Variants in UST observed in about 807,000 individuals in gnomAD.
UST encodes the protein chondroitin sulfate 2-O-sulfotransferase.
A neutral mutation model predicts 45.6 loss-of-function variants in UST; 21 were observed. The ratio of observed to expected loss-of-function variants is 0.46; its 90% CI spans 0.33 to 0.66. The LOEUF (loss-of-function observed/expected upper bound fraction) is 0.66. Ranked by LOEUF, UST falls within the 30% of genes least tolerant of loss-of-function variation. The probability of loss-of-function intolerance (pLI) is 0.02; values close to 1 mark genes in which losing one functional copy is unlikely to be tolerated. For synonymous variants in UST, 215 were observed against 200.6 expected, an observed-to-expected ratio of 1.07 and a Z score of -0.61; for missense variants, 463 against 512.4, an observed-to-expected ratio of 0.90 and a Z score of 0.93.
intron 1 of UST, among the ~76,000 whole-genome samples, chr6:148,761,333 G>T (rs1473413439): frequency 6.6e-6 from 1 of 152,182 alleles, no homozygotes; most frequent in Non-Finnish European, 1.5e-5. Context: ...ACACTGCCAA[G>T]TTCCTAAGAA....
At chr6:148,793,377 G>T (rs1479114935) in intron 1 of UST, among the ~76,000 whole-genome samples, 1 of 152,166 alleles carries the variant, frequency 6.6e-6, no homozygotes, top group African/African-American at 2.4e-5. Flanking sequence ...CACAAAGTGA[G>T]TTCACCTATA....
At chr6:148,979,332 A>G (rs1289526222) in intron 5 of UST, among the ~76,000 whole-genome samples, 3 of 152,234 alleles carry the variant, frequency 2.0e-5, no homozygotes, top group Non-Finnish European at 4.4e-5. Flanking sequence ...GGAAAGATGA[A>G]AAACAACTGG....
chr6:148,834,321 T>C (rs1483096162), intron 1 of UST, among the ~76,000 whole-genome samples: 4 of 152,216 alleles, frequency 2.6e-5, no homozygotes, highest in East Asian at 3.8e-4. Context: ...TAGATACCAG[T>C]AGGTAACCAT....
At position 149,074,427 on chromosome 6, in the gene UST, C is replaced by A; in HGVS notation, c.*311C>A. On this transcript the variant is annotated 3_prime_UTR_variant, in exon 8 of 8. Transcript: ENST00000367463. ...AAGGGGGAGAAATATAGCCCCTAGC[C>A]TAATAACTTATCATTTGTAAAATGA... 2.9e-6 allele frequency: 1 copy of A among 348,912 alleles called. No homozygotes were observed. The highest frequency in any genetic ancestry group is 5.2e-6 in the Non-Finnish European group (1 of 191,492). The allele number at this position is 348,912 out of a possible 1,614,324, so 21.6% of individuals were successfully genotyped here.
At chr6:149,073,570 T>C (rs1294359581) in intron 7 of UST, among the ~76,000 whole-genome samples, 1 of 152,214 alleles carries the variant, frequency 6.6e-6, no homozygotes, top group South Asian at 2.1e-4. Flanking sequence ...GAGTTAACAA[T>C]TGAATTTGGT....
chr6:148,988,247 C>A (rs1781271314), intron 5 of UST, among the ~76,000 whole-genome samples: 1 of 152,088 alleles, frequency 6.6e-6, no homozygotes, highest in African/African-American at 2.4e-5. Context: ...GCAGAGCCTG[C>A]ATCATGCATC....
At chr6:148,977,967 T>C (rs1357466001) in intron 5 of UST, among the ~76,000 whole-genome samples, 4 of 152,172 alleles carry the variant, frequency 2.6e-5, no homozygotes, top group Non-Finnish European at 5.9e-5. Flanking sequence ...CTCCAGAGTT[T>C]TAAAGTTTTC....
intron 2 of UST, among the ~76,000 whole-genome samples, chr6:148,893,265 C>CT (rs1223933332): frequency 2.0e-5 from 3 of 152,192 alleles, no homozygotes; most frequent in Non-Finnish European, 4.4e-5. Context: ...GCTGATCCAG[C>CT]AATCTCCAAA....
intron 1 of UST, among the ~76,000 whole-genome samples, chr6:148,792,028 T>C (rs1424319447): frequency 1.3e-5 from 2 of 152,062 alleles, no homozygotes; most frequent in Non-Finnish European, 1.5e-5. Flanking sequence ...AGGAAAGAGA[T>C]TGTAAAATCC....
chr6:148,763,777 G>T (rs773847044), intron 1 of UST, among the ~76,000 whole-genome samples: 2 of 152,046 alleles, frequency 1.3e-5, no homozygotes, highest in Non-Finnish European at 2.9e-5. Flanking sequence ...GTATATTTTT[G>T]CCAACTTTGT....
At chr6:148,816,942 T>C (rs1777367201) in intron 1 of UST, among the ~76,000 whole-genome samples, 1 of 152,188 alleles carries the variant, frequency 6.6e-6, no homozygotes. Context: ...CTTGAAGTCA[T>C]GGCCCTTAAG....
chr6:148,824,047 G>T (rs368317275), intron 1 of UST, among the ~76,000 whole-genome samples: 1 of 152,176 alleles, frequency 6.6e-6, no homozygotes, highest in Non-Finnish European at 1.5e-5. Context: ...GAGAGTGGAG[G>T]ACTAATAATA....
At chr6:148,873,086 G>T (rs1778588634) in intron 1 of UST, among the ~76,000 whole-genome samples, 1 of 152,138 alleles carries the variant, frequency 6.6e-6, no homozygotes, top group African/African-American at 2.4e-5. Context: ...AAAGAATCAA[G>T]CAGAGTTTCC....
chr6:149,002,931 G>A (rs1293807798), intron 5 of UST, among the ~76,000 whole-genome samples: 1 of 152,174 alleles, frequency 6.6e-6, no homozygotes, highest in East Asian at 1.9e-4. Context: ...TACAAATAAA[G>A]GAAAATCAAT....
intron 7 of UST, among the ~76,000 whole-genome samples, chr6:149,069,482 T>A (rs545305744): frequency 1.4e-4 from 21 of 152,328 alleles, no homozygotes; most frequent in Non-Finnish European, 2.5e-4. Flanking sequence ...TTGCATTTCC[T>A]TGATGATTAG....
At chr6:148,986,023 T>A (rs1369251410) in intron 5 of UST, among the ~76,000 whole-genome samples, 1 of 152,060 alleles carries the variant, frequency 6.6e-6, no homozygotes, top group African/African-American at 2.4e-5. Context: ...CAGAACACAG[T>A]GTAGTTTTAA....
chr6:148,777,698 C>G (rs939894091), intron 1 of UST, among the ~76,000 whole-genome samples: 2 of 152,180 alleles, frequency 1.3e-5, no homozygotes, highest in Non-Finnish European at 2.9e-5. Context: ...GCACCTGCCA[C>G]CACACCCAGC....
At position 148,905,451 on chromosome 6, in the gene UST, A is replaced by G. The variant is rs140357227; in HGVS notation, c.291+18422A>G. On this transcript the variant is annotated intron_variant, in intron 2 of 7. Transcript: ENST00000367463. Reference sequence around the variant, plus strand: ...TCCATGGAAACAGAATTGTCAATGTATCCCCCTAAAACCTAGGGTAGAGCA... The same window carrying G: ...TCCATGGAAACAGAATTGTCAATGTGTCCCCCTAAAACCTAGGGTAGAGCA... 1.2e-3 allele frequency among the ~76,000 whole-genome samples: 186 copies of G among 152,318 alleles called. 1 individual carries two copies. The highest frequency in any genetic ancestry group is 4.3e-3 in the African/African-American group (179 of 41,572).
At chr6:148,998,131 G>C (rs1781485391) in intron 5 of UST, among the ~76,000 whole-genome samples, 1 of 152,190 alleles carries the variant, frequency 6.6e-6, no homozygotes, top group Non-Finnish European at 1.5e-5. Context: ...AGTTTCTGTG[G>C]CTTTTCAAAA....
Sources: gnomAD v4.1 joint callset for allele counts (sites outside exome capture counted in the v4.1 genomes callset) on GRCh38, gnomAD v4.1.1 for gene constraint, MANE v1.5 for transcripts, NCBI Gene and HGNC (gene_info 2026-07-23, HGNC 2026-07-21) for gene names.